Variants in TGFB2 observed in about 807,000 individuals in gnomAD.
TGFB2 encodes the protein transforming growth factor beta-2 proprotein.
A neutral mutation model predicts 42.7 loss-of-function variants in TGFB2; 13 were observed. That is an observed-to-expected ratio of 0.30 (90% CI 0.20 to 0.48). TGFB2 has a LOEUF of 0.48. TGFB2 is among the 20% of genes least tolerant of loss of function. The probability of loss-of-function intolerance (pLI) is 0.99; values close to 1 mark genes in which losing one functional copy is unlikely to be tolerated. For missense variants in TGFB2, 390 were observed against 517.5 expected (o/e 0.75, Z 2.39); for synonymous variants, 193 against 193.6 (o/e 1.00, Z 0.03).
chr1:218,404,264 C>A (rs1044389160), intron 1 of TGFB2, among the ~76,000 whole-genome samples: 6 of 152,146 alleles, frequency 3.9e-5, no homozygotes. Context: ...AGGTGCGCGC[C>A]ACCACGCCTG....
In TGFB2 at chr1:218,364,410, G is replaced by A. The variant is rs551345096; in HGVS notation, c.346+17363G>A. 1.1e-4 allele frequency among the ~76,000 whole-genome samples: 17 copies of A among 152,310 alleles called. No individual in the cohort carries two copies. The East Asian group carries it at 2.9e-3, about 26-fold the overall frequency. On this transcript the variant is annotated intron_variant, in intron 1 of 6. Transcript: ENST00000366930. ...ATTGAATGCTTACTATATGCTGGAC[G>A]ATGAGTCCACAACAAAGAATAGAGC...
intron 2 of TGFB2, among the ~76,000 whole-genome samples, chr1:218,415,228 T>C (rs771662974): frequency 6.6e-6 from 1 of 152,212 alleles, no homozygotes; most frequent in Non-Finnish European, 1.5e-5. Flanking sequence ...GTTTGAACTG[T>C]TGTAAGAAAC....
intron 2 of TGFB2, among the ~76,000 whole-genome samples, chr1:218,416,671 GCCT>G (rs1446858090): frequency 6.6e-6 from 1 of 152,170 alleles, no homozygotes; most frequent in Non-Finnish European, 1.5e-5. Flanking sequence ...CATGGCAGTG[GCCT>G]CCTGGTTGGT....
At chr1:218,403,211 T>TTTTG (rs899952207) in intron 1 of TGFB2, among the ~76,000 whole-genome samples, 7 of 152,170 alleles carry the variant, frequency 4.6e-5, no homozygotes, top group African/African-American at 9.7e-5. Context: ...TTTGGGGTTT[T>TTTTG]TTTGTTTGTT....
intron 1 of TGFB2, among the ~76,000 whole-genome samples, chr1:218,352,211 G>A (rs1656890765): frequency 7.2e-6 from 1 of 138,688 alleles, no homozygotes; most frequent in Non-Finnish European, 1.5e-5. Flanking sequence ...TCTGGAAATA[G>A]CCCCTTCCGC....
intron 2 of TGFB2, among the ~76,000 whole-genome samples, chr1:218,431,358 C>T (rs1659801433): frequency 1.3e-5 from 2 of 152,112 alleles, no homozygotes; most frequent in Non-Finnish European, 2.9e-5. Flanking sequence ...GTAAGATAAT[C>T]TAAATGTACT....
At chr1:218,348,007 G>A (rs1313219729) in intron 1 of TGFB2, among the ~76,000 whole-genome samples, 3 of 151,208 alleles carry the variant, frequency 2.0e-5, no homozygotes, top group African/African-American at 7.3e-5. Context: ...GTAGCAATAG[G>A]AGTGAAATGA....
At chr1:218,400,162 T>C (rs889190397) in intron 1 of TGFB2, among the ~76,000 whole-genome samples, 2 of 151,950 alleles carry the variant, frequency 1.3e-5, no homozygotes, top group African/African-American at 4.8e-5. Context: ...TCGGCAGGGC[T>C]AGCTACAAAA....
intron 1 of TGFB2, among the ~76,000 whole-genome samples, chr1:218,395,022 C>T (rs1250215183): frequency 1.3e-5 from 2 of 152,108 alleles, no homozygotes; most frequent in Non-Finnish European, 2.9e-5. Context: ...TGAGGGGCCA[C>T]TACACATTCA....
intron 1 of TGFB2, among the ~76,000 whole-genome samples, chr1:218,396,889 C>T (rs146805326): frequency 4.6e-5 from 7 of 152,318 alleles, no homozygotes; most frequent in African/African-American, 1.7e-4. Context: ...TAGAGGAATC[C>T]TATTTTTCCA....
At chr1:218,414,253 ACG>A (rs372449403) in intron 2 of TGFB2, among the ~76,000 whole-genome samples, 106 of 147,092 alleles carry the variant, frequency 7.2e-4, no homozygotes, top group African/African-American at 2.6e-3. Context: ...ACACACACAC[ACG>A]CACACACGGT....
intron 2 of TGFB2, among the ~76,000 whole-genome samples, chr1:218,424,086 A>G (rs1460987352): frequency 6.6e-6 from 1 of 152,236 alleles, no homozygotes; most frequent in Non-Finnish European, 1.5e-5. Context: ...CAGGACCCTT[A>G]GTCAATGAGT....
chr1:218,367,917 C>T (rs962528163), intron 1 of TGFB2, among the ~76,000 whole-genome samples: 1 of 152,164 alleles, frequency 6.6e-6, no homozygotes. Flanking sequence ...ATTCTCCTGC[C>T]TCAGCCTCCT....
At chr1:218,420,824 C>T (rs1659431740) in intron 2 of TGFB2, among the ~76,000 whole-genome samples, 1 of 152,166 alleles carries the variant, frequency 6.6e-6, no homozygotes. Context: ...AATAATGTAG[C>T]TATCTGAGCT....
At chr1:218,421,117 G>A (rs1276376750) in intron 2 of TGFB2, among the ~76,000 whole-genome samples, 1 of 152,148 alleles carries the variant, frequency 6.6e-6, no homozygotes, top group African/African-American at 2.4e-5. Context: ...TAGACAGGAA[G>A]AGAGAGCTCC....
intron 2 of TGFB2, among the ~76,000 whole-genome samples, chr1:218,423,990 T>C (rs1176562488): frequency 3.9e-5 from 6 of 152,254 alleles, no homozygotes; most frequent in Non-Finnish European, 8.8e-5. Flanking sequence ...TCAAAGGCAC[T>C]TGGCACAGCC....
chr1:218,430,130 G>T (rs1375823744), intron 2 of TGFB2, among the ~76,000 whole-genome samples: 1 of 152,108 alleles, frequency 6.6e-6, no homozygotes, highest in Non-Finnish European at 1.5e-5. Flanking sequence ...ACATAAAGAG[G>T]CCGGGCGTGG....
intron 1 of TGFB2, among the ~76,000 whole-genome samples, chr1:218,388,565 T>TG (rs1411436215): frequency 6.6e-6 from 1 of 152,174 alleles, no homozygotes; most frequent in African/African-American, 2.4e-5. Context: ...GTCCTTTCCT[T>TG]GCTTGTCCCT....
intron 1 of TGFB2, among the ~76,000 whole-genome samples, chr1:218,364,843 T>A (rs2102547467): frequency 6.6e-6 from 1 of 152,306 alleles, no homozygotes; most frequent in East Asian, 1.9e-4. Flanking sequence ...AAAAGTTTAA[T>A]CATGCCTTTA....
Sources: gnomAD v4.1 joint callset for allele counts (sites outside exome capture counted in the v4.1 genomes callset) on GRCh38, gnomAD v4.1.1 for gene constraint, MANE v1.5 for transcripts, NCBI Gene and HGNC (gene_info 2026-07-23, HGNC 2026-07-21) for gene names.